Variants in MBTD1 observed in about 807,000 individuals in gnomAD.
MBTD1 encodes the protein mbt domain containing 1, also known as MBT domain-containing protein 1.
Under a neutral mutation model 87.8 loss-of-function variants are expected in MBTD1, and 24 were observed. The ratio of observed to expected loss-of-function variants is 0.27; its 90% CI spans 0.20 to 0.38. The LOEUF (loss-of-function observed/expected upper bound fraction) is 0.38, where lower values mean the gene tolerates loss of function less well. Among genes scored for constraint, MBTD1 ranks in the 10% least tolerant of loss-of-function variants. The probability of loss-of-function intolerance (pLI) is 1.00; values close to 1 mark genes in which losing one functional copy is unlikely to be tolerated. For missense variants in MBTD1, 436 were observed against 760.2 expected (o/e 0.57, Z 5.02); for synonymous variants, 237 against 248.6 (o/e 0.95, Z 0.44).
intron 12 of MBTD1, among the ~76,000 whole-genome samples, chr17:51,196,296 T>C (rs929776152): frequency 1.3e-5 from 2 of 150,674 alleles, no homozygotes; most frequent in African/African-American, 4.9e-5. Context: ...CAATCTCGGC[T>C]CACTGCAACC....
At chr17:51,257,401 A>G (rs2055153915) in intron 2 of MBTD1, among the ~76,000 whole-genome samples, 1 of 152,244 alleles carries the variant, frequency 6.6e-6, no homozygotes, top group Non-Finnish European at 1.5e-5. Flanking sequence ...TTAGTAATTC[A>G]GTGGTTTAGT....
At chr17:51,244,780 C>T (rs967722973) in intron 2 of MBTD1, among the ~76,000 whole-genome samples, 1 of 152,044 alleles carries the variant, frequency 6.6e-6, no homozygotes, top group African/African-American at 2.4e-5. Context: ...CAAGATATTC[C>T]AGGCTCATTT....
At chr17:51,248,690 G>GT (rs1283094029) in intron 2 of MBTD1, among the ~76,000 whole-genome samples, 1 of 152,160 alleles carries the variant, frequency 6.6e-6, no homozygotes, top group African/African-American at 2.4e-5. Context: ...CATGTTACAT[G>GT]TATAAATGGT....
intron 2 of MBTD1, among the ~76,000 whole-genome samples, chr17:51,240,384 TTTAAG>T (rs1327311172): frequency 2.0e-5 from 3 of 152,362 alleles, no homozygotes; most frequent in African/African-American, 4.8e-5. Flanking sequence ...GTTTTCATTA[TTTAAG>T]TTGTCATACA....
At position 51,259,206 on chromosome 17, in the gene MBTD1, T is replaced by C; in HGVS notation, c.-112A>G. ...GATGACCTCTAATGTCTCTTCCGACTCTGAAATGTTAGGATTCTTATTTCA... is the reference window on the plus strand; with the variant it reads ...GATGACCTCTAATGTCTCTTCCGACCCTGAAATGTTAGGATTCTTATTTCA... On this transcript the variant is annotated splice_region_variant and 5_prime_UTR_variant, in exon 2 of 17. Coordinates refer to ENST00000586178, the MANE Select transcript of MBTD1 (RefSeq NM_017643.3). 8.3e-7 allele frequency: 1 copy of C among 1,210,524 alleles called. No individual in the cohort carries two copies. Among genetic ancestry groups the C allele is most frequent in the Non-Finnish European group, 1.0e-6 (1 of 968,228 alleles). The allele number at this position is 1,210,524 out of a possible 1,614,324, so 75.0% of individuals were successfully genotyped here. A position where few individuals can be genotyped will look rare whatever the true frequency, so the allele number is the denominator to read the frequency against.
intron 12 of MBTD1, among the ~76,000 whole-genome samples, chr17:51,199,598 C>T (rs777392355): frequency 1.1e-4 from 16 of 151,320 alleles, no homozygotes; most frequent in South Asian, 8.4e-4. Flanking sequence ...CCCGCCACCA[C>T]GCCTGGCTAA....
At chr17:51,207,050 C>A in intron 6 of MBTD1, 45 bp from the exon 7 acceptor site, 1 of 1,037,768 alleles carries the variant, frequency 9.6e-7, no homozygotes, top group Admixed American at 1.9e-5. Context: ...TAACATAAAG[C>A]CTAAAACATA....
At chr17:51,188,655 T>C (rs902911035) in intron 16 of MBTD1, among the ~76,000 whole-genome samples, 5 of 151,080 alleles carry the variant, frequency 3.3e-5, no homozygotes, top group African/African-American at 7.3e-5. Context: ...TGCTGAGTAA[T>C]AGAAAAAAAT....
intron 2 of MBTD1, among the ~76,000 whole-genome samples, chr17:51,244,301 G>A (rs998135636): frequency 6.6e-6 from 1 of 152,130 alleles, no homozygotes; most frequent in South Asian, 2.1e-4. Flanking sequence ...TTCATTATCA[G>A]TATGAATTCA....
chr17:51,213,921 A>C (rs906795534), intron 6 of MBTD1, among the ~76,000 whole-genome samples: 2 of 150,962 alleles, frequency 1.3e-5, no homozygotes, highest in African/African-American at 4.9e-5. Context: ...AAGTAAAGAA[A>C]AGAAAAAAAA....
chr17:51,225,350 T>TG, intron 2 of MBTD1, 141 bp from the exon 3 acceptor site: 1 of 446,560 alleles, frequency 2.2e-6, no homozygotes, highest in Non-Finnish European at 3.8e-6. Context: ...TCTTTTTTTT[T>TG]TCTTTTTTTA....
chr17:51,224,971 TA>T, intron 3 of MBTD1, 36 bp downstream of exon 3: 1 of 1,369,368 alleles, frequency 7.3e-7, no homozygotes, highest in Non-Finnish European at 9.8e-7. Context: ...CCCTTAAACA[TA>T]AAGCTGTAGA....
At chr17:51,239,655 T>C (rs918266986) in intron 2 of MBTD1, among the ~76,000 whole-genome samples, 1 of 152,146 alleles carries the variant, frequency 6.6e-6, no homozygotes, top group Non-Finnish European at 1.5e-5. Context: ...CTGTGCATTA[T>C]AAGATGTCTA....
chr17:51,215,463 A>G (rs915485354), intron 6 of MBTD1, among the ~76,000 whole-genome samples: 2 of 152,224 alleles, frequency 1.3e-5, no homozygotes, highest in Non-Finnish European at 2.9e-5. Context: ...ATAATATAAA[A>G]GGAGATACAA....
intron 6 of MBTD1, among the ~76,000 whole-genome samples, chr17:51,213,750 C>T (rs1218391443): frequency 3.3e-5 from 5 of 152,020 alleles, no homozygotes; most frequent in Non-Finnish European, 7.4e-5. Flanking sequence ...GGTTTCCAGC[C>T]TCAGGAACTG....
Position 51,242,561 on chromosome 17 carries a change from G to C in MBTD1, c.-49+16582C>G, listed in dbSNP as rs113656303. Among the ~76,000 whole-genome samples, 22 of 152,184 alleles carry C rather than the reference G, an allele frequency of 1.4e-4. 2 individuals carry two copies. The highest frequency in any genetic ancestry group is 5.3e-4 in the African/African-American group (22 of 41,532). On this transcript the variant is annotated intron_variant, in intron 2 of 16. Coordinates refer to ENST00000586178, the MANE Select transcript of MBTD1 (RefSeq NM_017643.3). ...ACTGATTTGAAATAAGTTAGAATTG[G>C]TTTCTTTTGGTTTTTAGTCTCCTCC...
At chr17:51,192,614 A>G in intron 15 of MBTD1, 168 bp downstream of exon 15, 1 of 1,225,324 alleles carries the variant, frequency 8.2e-7, no homozygotes. Context: ...CATGGGACAC[A>G]TGGTCTGATT....
chr17:51,210,781 CAACAA>C (rs2052146064), intron 6 of MBTD1, among the ~76,000 whole-genome samples: 1 of 150,482 alleles, frequency 6.6e-6, no homozygotes, highest in Non-Finnish European at 1.5e-5. Flanking sequence ...ACAACAACAA[CAACAA>C]CAACAACAAC....
At chr17:51,192,632 ATTGTTGTTGAGTC>A in intron 15 of MBTD1, 137 bp downstream of exon 15, 1 of 1,367,022 alleles carries the variant, frequency 7.3e-7, no homozygotes, top group Non-Finnish European at 9.9e-7. Context: ...ATTCTGTGAT[ATTGTTGTTGAGTC>A]TTAATGTCTT....
Sources: gnomAD v4.1 joint callset for allele counts (sites outside exome capture counted in the v4.1 genomes callset) on GRCh38, gnomAD v4.1.1 for gene constraint, MANE v1.5 for transcripts, NCBI Gene and HGNC (gene_info 2026-07-23, HGNC 2026-07-21) for gene names.